NRXN3: variants seen among roughly 807,000 people sequenced by gnomAD.
The protein encoded by NRXN3 is neurexin 3.
A neutral mutation model predicts 137.6 loss-of-function variants in NRXN3; 32 were observed. That is an observed-to-expected ratio of 0.23 (90% CI 0.18 to 0.31). NRXN3 has a LOEUF of 0.31. Ranked by LOEUF, NRXN3 falls within the 10% of genes least tolerant of loss-of-function variation. NRXN3 has a pLI of 1.00. For synonymous variants in NRXN3, 798 were observed against 784.5 expected, an observed-to-expected ratio of 1.02 and a Z score of -0.29; for missense variants, 1,574 against 2,062.5, an observed-to-expected ratio of 0.76 and a Z score of 4.59.
intron 16 of NRXN3, among the ~76,000 whole-genome samples, chr14:79,469,972 C>T (rs1041366531): frequency 3.9e-5 from 6 of 152,112 alleles, no homozygotes; most frequent in Admixed American, 6.5e-5. Context: ...TAAGTAGATA[C>T]ATCAGGGAAA....
At chr14:79,696,969 G>GAGAT (rs1325297428) in intron 18 of NRXN3, among the ~76,000 whole-genome samples, 1 of 151,844 alleles carries the variant, frequency 6.6e-6, no homozygotes, top group East Asian at 1.9e-4. Context: ...CAAATTAATA[G>GAGAT]AGATAGGAAT....
chr14:79,323,822 C>A (rs1241068906), intron 15 of NRXN3, among the ~76,000 whole-genome samples: 2 of 151,662 alleles, frequency 1.3e-5, no homozygotes, highest in Non-Finnish European at 2.9e-5. Context: ...TGCGCCACTG[C>A]ACTACAGCCT....
At chr14:79,093,160 A>C (rs984603329) in intron 15 of NRXN3, among the ~76,000 whole-genome samples, 3 of 152,210 alleles carry the variant, frequency 2.0e-5, no homozygotes, top group African/African-American at 7.2e-5. Context: ...ACTTCAAGAA[A>C]GTATGATTAG....
intron 15 of NRXN3, among the ~76,000 whole-genome samples, chr14:79,219,252 A>C (rs1056794830): frequency 6.6e-6 from 1 of 152,060 alleles, no homozygotes; most frequent in Non-Finnish European, 1.5e-5. Context: ...CCTCCTGAGG[A>C]GCTAAGACTA....
chr14:79,432,764 T>C (rs866211475), intron 15 of NRXN3, among the ~76,000 whole-genome samples: 54 of 152,328 alleles, frequency 3.5e-4, no homozygotes, highest in Middle Eastern at 3.4e-3. Flanking sequence ...AGGTCTTCTG[T>C]CATGATTTTG....
intron 15 of NRXN3, among the ~76,000 whole-genome samples, chr14:79,114,423 C>A (rs575224162): frequency 6.6e-6 from 1 of 152,080 alleles, no homozygotes; most frequent in African/African-American, 2.4e-5. Flanking sequence ...TGCAGTAGCA[C>A]AATCATAGCT....
intron 15 of NRXN3, among the ~76,000 whole-genome samples, chr14:79,261,153 G>T (rs1158700469): frequency 1.3e-5 from 2 of 152,196 alleles, no homozygotes; most frequent in Non-Finnish European, 2.9e-5. Context: ...GGGCATAATG[G>T]GAGCAGTGGG....
At chr14:78,392,011 A>G (rs1298279958) in intron 4 of NRXN3, among the ~76,000 whole-genome samples, 1 of 152,210 alleles carries the variant, frequency 6.6e-6, no homozygotes, top group Non-Finnish European at 1.5e-5. Context: ...AAAAAAATCT[A>G]GGATATGAAG....
At chr14:79,727,084 G>A (rs1303857393) in intron 19 of NRXN3, among the ~76,000 whole-genome samples, 1 of 152,130 alleles carries the variant, frequency 6.6e-6, no homozygotes, top group Admixed American at 6.6e-5. Flanking sequence ...ACATTATTCA[G>A]CCATATAAAC....
intron 1 of NRXN3, among the ~76,000 whole-genome samples, chr14:78,230,908 A>T (rs903668757): frequency 6.6e-6 from 1 of 152,170 alleles, no homozygotes; most frequent in Non-Finnish European, 1.5e-5. Flanking sequence ...GGTCATTCTG[A>T]CTGCTGTATG....
intron 17 of NRXN3, among the ~76,000 whole-genome samples, chr14:79,668,770 G>A (rs566098841): frequency 1.3e-5 from 2 of 152,042 alleles, no homozygotes; most frequent in Non-Finnish European, 2.9e-5. Flanking sequence ...TTTACCCCCT[G>A]GATGCCACTC....
chr14:78,179,537 G>A (rs994730612), intron 1 of NRXN3, among the ~76,000 whole-genome samples: 1 of 152,186 alleles, frequency 6.6e-6, no homozygotes, highest in Non-Finnish European at 1.5e-5. Context: ...CCCCAAGCTG[G>A]AGTCAGCATT....
intron 4 of NRXN3, among the ~76,000 whole-genome samples, chr14:78,417,964 C>T (rs1017380498): frequency 2.6e-5 from 4 of 152,272 alleles, no homozygotes; most frequent in Non-Finnish European, 5.9e-5. Flanking sequence ...GCCACATTGG[C>T]CAGGCTGGTC....
chr14:78,173,709 C>CTTT lies in NRXN3; in HGVS notation c.-704+3048_-704+3050dup, dbSNP rs10638142. ...CGGCTCTTTTTTCCCTTTTTCCTTG[C>CTTT]TTTTTTTTTTTTTTTGCAACACAAC... On this transcript the variant is annotated intron_variant, in intron 1 of 20. Transcript: ENST00000335750. 8.7e-4 allele frequency among the ~76,000 whole-genome samples: 60 copies of CTTT among 69,330 alleles called. 13 individuals carry two copies. Among genetic ancestry groups the CTTT allele is most frequent in the East Asian group, 1.0e-3 (2 of 1,964 alleles). The allele number at this position is 69,330 out of a possible 152,430, so 45.5% of individuals were successfully genotyped here. A position where few individuals can be genotyped will look rare whatever the true frequency, so the allele number is the denominator to read the frequency against.
chr14:79,755,735 G>T (rs1021486943), intron 19 of NRXN3, among the ~76,000 whole-genome samples: 4 of 152,072 alleles, frequency 2.6e-5, no homozygotes, highest in Non-Finnish European at 5.9e-5. Flanking sequence ...TGCTAGGCAG[G>T]TTCCTGAATA....
At chr14:78,733,640 G>C (rs2098527411) in intron 8 of NRXN3, among the ~76,000 whole-genome samples, 1 of 152,132 alleles carries the variant, frequency 6.6e-6, no homozygotes, top group Non-Finnish European at 1.5e-5. Flanking sequence ...GGAGCTTGTT[G>C]CTCTAAGTCA....
intron 15 of NRXN3, among the ~76,000 whole-genome samples, chr14:79,272,276 C>T (rs1297587476): frequency 7.9e-6 from 1 of 126,090 alleles, no homozygotes; most frequent in Non-Finnish European, 1.6e-5. Context: ...ATCTCTTCTT[C>T]ATTATTTGAC....
chr14:79,380,444 G>A (rs967461434), intron 15 of NRXN3, among the ~76,000 whole-genome samples: 12 of 151,250 alleles, frequency 7.9e-5, no homozygotes, highest in East Asian at 3.9e-4. Flanking sequence ...GAGAACATGC[G>A]GTGTTCGGTT....
chr14:79,283,131 G>T lies in NRXN3; in HGVS notation c.3263-184090G>T, dbSNP rs113026521. Among the ~76,000 whole-genome samples, 1,246 of 152,232 alleles carry T rather than the reference G, an allele frequency of 8.2e-3. 14 individuals carry two copies. Among genetic ancestry groups the T allele is most frequent in the African/African-American group, 0.028 (1,181 of 41,526 alleles). On this transcript the variant is annotated intron_variant, in intron 15 of 20. Transcript: ENST00000335750. ...TTTTAAAAAATATTTTTGGATGGAG[G>T]TGGTAGGAGGCATGGCACCAAGAGA...
Sources: allele counts gnomAD v4.1 joint callset (sites outside exome capture counted in the v4.1 genomes callset), GRCh38; gene constraint gnomAD v4.1.1; transcripts MANE v1.5; gene names NCBI Gene and HGNC (gene_info 2026-07-23, HGNC 2026-07-21).